SHANK2: variants seen among roughly 807,000 people sequenced by gnomAD.
The protein encoded by SHANK2 is SH3 and multiple ankyrin repeat domains 2, also known as SH3 and multiple ankyrin repeat domains protein 2.
Under a neutral mutation model 133.7 loss-of-function variants are expected in SHANK2, and 43 were observed. The observed-to-expected ratio is 0.32, with a 90% CI of 0.25 to 0.41. The LOEUF (loss-of-function observed/expected upper bound fraction) is 0.41. Among genes scored for constraint, SHANK2 ranks in the 10% least tolerant of loss-of-function variants. The pLI is 1.00. For missense variants in SHANK2, 1,994 were observed against 2,235.8 expected, an observed-to-expected ratio of 0.89 and a Z score of 2.18; for synonymous variants, 1,017 against 952.8, an observed-to-expected ratio of 1.07 and a Z score of -1.24.
intron 11 of SHANK2, among the ~76,000 whole-genome samples, chr11:70,821,009 G>A (rs377122740): frequency 1.3e-5 from 2 of 152,276 alleles, no homozygotes; most frequent in South Asian, 2.1e-4. Context: ...GTGTAAGGAC[G>A]GGCCACCCCA....
intron 10 of SHANK2, among the ~76,000 whole-genome samples, chr11:70,949,141 G>C (rs1351783729): frequency 3.9e-5 from 6 of 152,122 alleles, no homozygotes; most frequent in Non-Finnish European, 7.4e-5. Flanking sequence ...AAAGAAGAAG[G>C]GAAAAGAAAT....
At position 71,167,913 on chromosome 11, in the gene SHANK2, G is replaced by A. The variant is rs1418924774; in HGVS notation, c.-12-20575C>T. Among the ~76,000 whole-genome samples, 11 of 147,672 alleles carry A rather than the reference G, an allele frequency of 7.4e-5. 1 individual carries two copies. Among genetic ancestry groups the A allele is most frequent in the Non-Finnish European group, 1.6e-4 (11 of 66,824 alleles). On this transcript the variant is annotated intron_variant, in intron 2 of 25. Transcript: ENST00000601538. The stretch of plus-strand genomic sequence containing the variant: ...CACCTCCCGGACAGGGCGGCTGTCC[G>A]GGCGGGGGGCTGACCCCCCTACCTC...
At chr11:70,652,236 C>A (rs2061346915) in intron 17 of SHANK2, among the ~76,000 whole-genome samples, 1 of 152,154 alleles carries the variant, frequency 6.6e-6, no homozygotes, top group Non-Finnish European at 1.5e-5. Context: ...ACTTTGGAGG[C>A]TGGCGGGTGG....
At chr11:70,879,146 G>C (rs1483577484) in intron 11 of SHANK2, among the ~76,000 whole-genome samples, 1 of 152,198 alleles carries the variant, frequency 6.6e-6, no homozygotes. Flanking sequence ...TTGGGGACCA[G>C]AATCCCATGA....
chr11:70,903,766 C>T (rs990126104), intron 10 of SHANK2, among the ~76,000 whole-genome samples: 2 of 152,198 alleles, frequency 1.3e-5, no homozygotes, highest in African/African-American at 4.8e-5. Flanking sequence ...GACTTCCTGT[C>T]CCCTCTCTTC....
rs1944561483 is a variant in SHANK2 at position 70,662,055 on chromosome 11, GGCGGCCTCAGCA to G, written c.1854-389_1854-378del. ...TGGCCCGAACGGCGGCGGCGGCAGCGGCGGCCTCAGCAGCGGCGGCGTCGGGAATGAGCTCCT... is the reference window on the plus strand; with the variant it reads ...TGGCCCGAACGGCGGCGGCGGCAGCGGCGGCGGCGTCGGGAATGAGCTCCT... On this transcript the variant is annotated intron_variant, in intron 15 of 25. Transcript: ENST00000601538. The G allele has an allele frequency of 8.0e-6, 4 of 500,736 alleles. No individual in the cohort carries two copies. The South Asian group carries it at 8.1e-5, about 10-fold the overall frequency. 31.0% of individuals were successfully genotyped at this position (500,736 alleles called of 1,614,324 possible).
At chr11:70,815,619 G>T (rs1948377122) in intron 12 of SHANK2, among the ~76,000 whole-genome samples, 2 of 152,208 alleles carry the variant, frequency 1.3e-5, no homozygotes, top group African/African-American at 2.4e-5. Context: ...GCTCAGGGCA[G>T]CTTCGAACCA....
At chr11:70,798,336 C>T in intron 14 of SHANK2, 107 bp downstream of exon 14, 1 of 685,806 alleles carries the variant, frequency 1.5e-6, no homozygotes. Context: ...CGCAACTCAG[C>T]CTCCCTCTAC....
chr11:70,721,064 C>T (rs1946065844), intron 14 of SHANK2, among the ~76,000 whole-genome samples: 1 of 152,236 alleles, frequency 6.6e-6, no homozygotes, highest in African/African-American at 2.4e-5. Flanking sequence ...GAGGTGAGAT[C>T]CCTGACTGAC....
At chr11:70,572,228 C>T (rs1235349903) in intron 17 of SHANK2, among the ~76,000 whole-genome samples, 1 of 152,236 alleles carries the variant, frequency 6.6e-6, no homozygotes, top group African/African-American at 2.4e-5. Flanking sequence ...GGCACGATCT[C>T]GGCTCACTGC....
intron 15 of SHANK2, among the ~76,000 whole-genome samples, chr11:70,672,090 G>A (rs1944823469): frequency 7.3e-6 from 1 of 137,790 alleles, no homozygotes; most frequent in South Asian, 2.3e-4. Context: ...TTTAGAGGGA[G>A]TCTTGTTCTA....
chr11:71,214,809 G>A (rs1192305491), intron 2 of SHANK2, among the ~76,000 whole-genome samples: 3 of 152,218 alleles, frequency 2.0e-5, no homozygotes, highest in Admixed American at 2.0e-4. Context: ...TGCTAAGAAG[G>A]TGAAGTGGGG....
In SHANK2 at chr11:70,587,693, G is replaced by A. The variant is rs566839501; in HGVS notation, c.2061+72135C>T. On this transcript the variant is annotated intron_variant, in intron 17 of 25. Coordinates refer to ENST00000601538, the MANE Select transcript of SHANK2 (RefSeq NM_012309.5). ...TTTATGGCAACCCATTGTTGAGCAC[G>A]TCCAGTTTTTTTTTTTTTTTTTTTT... 1.0e-3 allele frequency among the ~76,000 whole-genome samples: 137 copies of A among 137,598 alleles called. 1 individual carries two copies. The highest frequency in any genetic ancestry group is 3.7e-3 in the Middle Eastern group (1 of 270). 90.3% of individuals were successfully genotyped at this position (137,598 alleles called of 152,430 possible).
chr11:70,822,524 T>C (rs369144713), intron 11 of SHANK2, among the ~76,000 whole-genome samples: 53 of 146,306 alleles, frequency 3.6e-4, no homozygotes, highest in Non-Finnish European at 5.7e-4. Context: ...GCAGAGTTCA[T>C]GAGGGACAGA....
chr11:70,926,570 C>A (rs897338924), intron 10 of SHANK2, among the ~76,000 whole-genome samples: 1 of 152,204 alleles, frequency 6.6e-6, no homozygotes, highest in Non-Finnish European at 1.5e-5. Flanking sequence ...GACAGCACTG[C>A]AGCACTACGA....
Position 70,535,797 on chromosome 11 carries a change from C to A in SHANK2, c.2062-32866G>T, listed in dbSNP as rs2059535517. 6.6e-6 allele frequency among the ~76,000 whole-genome samples: 1 copy of A among 152,240 alleles called. No individual in the cohort carries two copies. Among genetic ancestry groups the A allele is most frequent in the Admixed American group, 6.5e-5 (1 of 15,286 alleles). ...ACGGGGCAGGAGAGGTTCGGGTGGG[C>A]CATCCGCTGGCAGGGAGCTGGGCCC... On this transcript the variant is annotated intron_variant, in intron 17 of 25. Transcript: ENST00000601538. The surrounding 1 kb of genome is among the most constrained non-coding windows in gnomAD (Gnocchi z 4.3).
chr11:71,241,956 A>G (rs1555124471), intron 1 of SHANK2, among the ~76,000 whole-genome samples: 1 of 152,242 alleles, frequency 6.6e-6, no homozygotes, highest in Non-Finnish European at 1.5e-5. Context: ...CAGTAGCATT[A>G]TTCACAACAG....
rs559248628 is a variant in SHANK2 at position 70,501,077 on chromosome 11, G to A, written c.2288-487C>T. ...GGGAGCCCCAGGACAGGCCTCTGTG[G>A]AGAGGGCCTGGAGGCTGGTCACCTC... On this transcript the variant is annotated intron_variant, in intron 20 of 25. Coordinates refer to ENST00000601538, the MANE Select transcript of SHANK2 (RefSeq NM_012309.5). 1.7e-3 allele frequency among the ~76,000 whole-genome samples: 256 copies of A among 148,368 alleles called. 1 individual carries two copies. The highest frequency in any genetic ancestry group is 3.4e-3 in the Middle Eastern group (1 of 290).
chr11:70,667,611 G>C (rs2134309255), intron 15 of SHANK2, among the ~76,000 whole-genome samples: 1 of 152,328 alleles, frequency 6.6e-6, no homozygotes, highest in East Asian at 1.9e-4. Flanking sequence ...CCCTGGTCCA[G>C]CGGGCAGCAG....
Sources: allele counts gnomAD v4.1 joint callset (sites outside exome capture counted in the v4.1 genomes callset), GRCh38; gene constraint gnomAD v4.1.1; non-coding constraint Gnocchi (gnomAD v3.1); transcripts MANE v1.5; gene names NCBI Gene and HGNC (gene_info 2026-07-23, HGNC 2026-07-21).